The following RAB3GAP1 variants were observed in gnomAD, a reference collection of about 807,000 sequenced individuals.
RAB3GAP1 encodes rab3 GTPase-activating protein catalytic subunit.
In RAB3GAP1, 86 loss-of-function variants were observed where a neutral mutation model predicts 130.7. That is an observed-to-expected ratio of 0.66 (90% CI 0.55 to 0.79). The LOEUF (loss-of-function observed/expected upper bound fraction) is 0.79. RAB3GAP1 is among the 30% of genes least tolerant of loss of function. The probability of loss-of-function intolerance (pLI) is 0.00; values close to 1 mark genes in which losing one functional copy is unlikely to be tolerated. For missense variants in RAB3GAP1, 1,029 were observed against 1,169.4 expected (o/e 0.88, Z 1.75); for synonymous variants, 367 against 401.7 (o/e 0.91, Z 1.03).
At chr2:135,163,135 C>T (rs1325603806) in intron 22 of RAB3GAP1, 34 bp downstream of exon 22, 1 of 1,485,130 alleles carries the variant, frequency 6.7e-7, no homozygotes, top group South Asian at 1.1e-5. Context: ...GTTTTGTCTG[C>T]AGTAGGAAAA....
At chr2:135,163,936 T>C (rs1692547069) in intron 22 of RAB3GAP1, among the ~76,000 whole-genome samples, 1 of 152,230 alleles carries the variant, frequency 6.6e-6, no homozygotes, top group African/African-American at 2.4e-5. Context: ...CTCTTGAAAA[T>C]GTCTTCCTTT....
Position 135,086,837 on chromosome 2 carries a change from G to A in RAB3GAP1, c.151-4161G>A, listed in dbSNP as rs183727850. 1.5e-4 allele frequency among the ~76,000 whole-genome samples: 23 copies of A among 151,746 alleles called. 1 individual carries two copies. In the East Asian group the frequency reaches 4.5e-3, roughly 29 times the overall value. ...CTACAGGTGCACACCACCATGCCTAGCTAATTATTTTGTAGAGACAGGGTC... is the reference window on the plus strand; with the variant it reads ...CTACAGGTGCACACCACCATGCCTAACTAATTATTTTGTAGAGACAGGGTC... On this transcript the variant is annotated intron_variant, in intron 3 of 23. Coordinates refer to ENST00000264158, the MANE Select transcript of RAB3GAP1 (RefSeq NM_012233.3).
In RAB3GAP1 at chr2:135,105,644, C is replaced by G. The variant is rs940253322; in HGVS notation, c.363-7507C>G. Among the ~76,000 whole-genome samples the G allele has an allele frequency of 9.2e-5, 14 of 152,180 alleles. No homozygotes were observed. In the East Asian group the frequency reaches 1.5e-3, roughly 17 times the overall value. On this transcript the variant is annotated intron_variant, in intron 5 of 23. Transcript: ENST00000264158. ...AAGTGCTGAGATAGCAGCCTCTGCCCGGCCGCCACCCCATCTGGGAAGTGA... is the reference window on the plus strand; with the variant it reads ...AAGTGCTGAGATAGCAGCCTCTGCCGGGCCGCCACCCCATCTGGGAAGTGA...
At chr2:135,138,748 A>G (rs995589966) in intron 17 of RAB3GAP1, among the ~76,000 whole-genome samples, 1 of 151,828 alleles carries the variant, frequency 6.6e-6, no homozygotes, top group Non-Finnish European at 1.5e-5. Context: ...AGCTGGGACT[A>G]CAAGTGCTCA....
chr2:135,075,910 CTTTTT>C (rs996535280), intron 3 of RAB3GAP1, among the ~76,000 whole-genome samples: 1 of 126,736 alleles, frequency 7.9e-6, no homozygotes. Context: ...TAACAGATTT[CTTTTT>C]TTTTTTTTTT....
intron 17 of RAB3GAP1, among the ~76,000 whole-genome samples, chr2:135,148,177 T>A (rs972534072): frequency 1.8e-4 from 27 of 152,188 alleles, no homozygotes; most frequent in African/African-American, 6.3e-4. Context: ...TTTATTTGAA[T>A]TATGATCATT....
At chr2:135,127,763 T>C (rs888461133) in intron 11 of RAB3GAP1, among the ~76,000 whole-genome samples, 2 of 152,190 alleles carry the variant, frequency 1.3e-5, no homozygotes, top group African/African-American at 4.8e-5. Context: ...CACAAGGTTA[T>C]TTGAGGGATC....
At chr2:135,142,463 T>A (rs1691870054) in intron 17 of RAB3GAP1, among the ~76,000 whole-genome samples, 3 of 152,194 alleles carry the variant, frequency 2.0e-5, no homozygotes, top group African/African-American at 7.2e-5. Context: ...ATGTCGTCTT[T>A]TAGTAAAGAT....
intron 2 of RAB3GAP1, among the ~76,000 whole-genome samples, chr2:135,054,983 ACT>A (rs1688971297): frequency 6.6e-6 from 1 of 152,086 alleles, no homozygotes; most frequent in South Asian, 2.1e-4. Context: ...GAAGCCCATA[ACT>A]CTTTTTATCA....
intron 5 of RAB3GAP1, among the ~76,000 whole-genome samples, chr2:135,101,812 A>G (rs1477409760): frequency 6.6e-6 from 1 of 151,882 alleles, no homozygotes; most frequent in Non-Finnish European, 1.5e-5. Context: ...TTTTCTTTAA[A>G]TATCTTCTAG....
Position 135,097,491 on chromosome 2 carries a change from G to A in RAB3GAP1, c.362+3798G>A, listed in dbSNP as rs540819251. On this transcript the variant is annotated intron_variant, in intron 5 of 23. Transcript: ENST00000264158. Reference sequence around the variant, plus strand: ...CCACCTCAGCCTCCCAAAGTACTGGGATTATAGGTGTGAGCCACTGTACCT... The same window carrying A: ...CCACCTCAGCCTCCCAAAGTACTGGAATTATAGGTGTGAGCCACTGTACCT... 2.0e-5 allele frequency among the ~76,000 whole-genome samples: 3 copies of A among 152,210 alleles called. No individual in the cohort carries two copies. In the East Asian group the frequency reaches 5.8e-4, roughly 29 times the overall value.
At chr2:135,157,600 C>T (rs1008984470) in intron 19 of RAB3GAP1, among the ~76,000 whole-genome samples, 5 of 151,760 alleles carry the variant, frequency 3.3e-5, no homozygotes, top group African/African-American at 9.7e-5. Flanking sequence ...TTTGAGAGGC[C>T]GAGGCAAGAT....
chr2:135,110,917 T>C (rs953128527), intron 5 of RAB3GAP1, among the ~76,000 whole-genome samples: 20 of 152,164 alleles, frequency 1.3e-4, no homozygotes, highest in African/African-American at 4.6e-4. Flanking sequence ...TTTATACAAG[T>C]ACAGAGGATG....
intron 19 of RAB3GAP1, among the ~76,000 whole-genome samples, chr2:135,157,526 G>C (rs899436627): frequency 3.3e-5 from 5 of 152,182 alleles, no homozygotes; most frequent in African/African-American, 4.8e-5. Context: ...TTGTGGTGGG[G>C]GATGGGACTG....
intron 3 of RAB3GAP1, among the ~76,000 whole-genome samples, chr2:135,063,256 AATC>A: frequency 6.6e-6 from 1 of 152,336 alleles, no homozygotes; most frequent in South Asian, 2.1e-4. Flanking sequence ...CTATTGAGAT[AATC>A]ATATAGTTTT....
chr2:135,157,653 G>T (rs1020954861), intron 19 of RAB3GAP1, among the ~76,000 whole-genome samples: 2 of 151,972 alleles, frequency 1.3e-5, no homozygotes, highest in African/African-American at 4.8e-5. Flanking sequence ...CTAATGTGGT[G>T]AAACCCCATC....
Position 135,168,816 on chromosome 2 carries a change from C to A in RAB3GAP1, c.*35C>A. On this transcript the variant is annotated 3_prime_UTR_variant, in exon 24 of 24. Coordinates refer to ENST00000264158, the MANE Select transcript of RAB3GAP1 (RefSeq NM_012233.3). ...CATTACTCGTTGGTGGCTTCAGAGACAGTGCTGCCTCCTCCTGAGGGAGGG... is the reference window on the plus strand; with the variant it reads ...CATTACTCGTTGGTGGCTTCAGAGAAAGTGCTGCCTCCTCCTGAGGGAGGG... 1 of 1,567,596 alleles carries A rather than the reference C, an allele frequency of 6.4e-7. No homozygotes were observed. The highest frequency in any genetic ancestry group is 8.8e-7 in the Non-Finnish European group (1 of 1,137,982).
At chr2:135,144,616 T>G (rs975709832) in intron 17 of RAB3GAP1, among the ~76,000 whole-genome samples, 1 of 152,268 alleles carries the variant, frequency 6.6e-6, no homozygotes, top group Non-Finnish European at 1.5e-5. Context: ...TATCTTTGTT[T>G]GAAGGTCAGA....
At position 135,104,374 on chromosome 2, in the gene RAB3GAP1, A is replaced by G. The variant is rs146671390; in HGVS notation, c.363-8777A>G. The stretch of plus-strand genomic sequence containing the variant: ...ATTACTAGATGTACAATGAAACAGA[A>G]AAGTGTGACCCATACAAGGGGAAAA... On this transcript the variant is annotated intron_variant, in intron 5 of 23. Coordinates refer to ENST00000264158, the MANE Select transcript of RAB3GAP1 (RefSeq NM_012233.3). Among the ~76,000 whole-genome samples, 454 of 152,330 alleles carry G rather than the reference A, an allele frequency of 3.0e-3. 3 individuals are homozygous for G. Among genetic ancestry groups the G allele is most frequent in the African/African-American group, 0.01 (423 of 41,574 alleles).
Sources: allele counts gnomAD v4.1 joint callset (sites outside exome capture counted in the v4.1 genomes callset), GRCh38; gene constraint gnomAD v4.1.1; transcripts MANE v1.5; gene names NCBI Gene and HGNC (gene_info 2026-07-23, HGNC 2026-07-21).